Variants in RNF115 observed in about 807,000 individuals in gnomAD.
RNF115 encodes the protein ring finger protein 115, also known as E3 ubiquitin-protein ligase RNF115.
RNF115 carries 31 observed loss-of-function variants against 39.2 expected under a neutral mutation model. That is an observed-to-expected ratio of 0.79 (90% CI 0.59 to 1.07). The LOEUF is 1.07. Ranked by LOEUF, RNF115 falls within the 50% of genes least tolerant of loss-of-function variation. RNF115 has a pLI of 0.00. For synonymous variants in RNF115, 124 were observed against 131.0 expected (o/e 0.95, Z 0.37); for missense variants, 384 against 381.7 (o/e 1.01, Z -0.05).
chr1:145,776,762 G>C (rs1471546108), intron 3 of RNF115, among the ~76,000 whole-genome samples: 2 of 152,078 alleles, frequency 1.3e-5, no homozygotes, highest in African/African-American at 4.8e-5. Flanking sequence ...CTTGAACCCG[G>C]GAGGCAGAGG....
At chr1:145,762,505 TAAA>T (rs1347665361) in intron 4 of RNF115, among the ~76,000 whole-genome samples, 2 of 152,280 alleles carry the variant, frequency 1.3e-5, no homozygotes, top group African/African-American at 4.8e-5. Context: ...TCTATTAAGA[TAAA>T]AAAGATTATA....
intron 7 of RNF115, among the ~76,000 whole-genome samples, chr1:145,749,139 T>G (rs1553712132): frequency 6.6e-6 from 1 of 152,166 alleles, no homozygotes. Flanking sequence ...GCCTAGTGGC[T>G]GGGATATGCT....
At chr1:145,795,004 G>A (rs1006833222) in intron 1 of RNF115, among the ~76,000 whole-genome samples, 33 of 136,962 alleles carry the variant, frequency 2.4e-4, no homozygotes, top group African/African-American at 7.3e-4. Flanking sequence ...GTGACAGAGC[G>A]AGACTCCATT....
At chr1:145,773,956 C>G (rs587645722) in intron 3 of RNF115, 1 of 152,400 alleles carries the variant, frequency 6.6e-6, no homozygotes, top group Admixed American at 6.5e-5. Flanking sequence ...TTCAAGACTG[C>G]AGCCATACCA....
chr1:145,807,633 G>C (rs1309852671), intron 1 of RNF115, among the ~76,000 whole-genome samples: 1 of 152,076 alleles, frequency 6.6e-6, no homozygotes, highest in East Asian at 1.9e-4. Context: ...TATCAAGTCA[G>C]GGCATTTAGG....
intron 1 of RNF115, among the ~76,000 whole-genome samples, chr1:145,823,559 C>T (rs1215319804): frequency 9.9e-5 from 15 of 152,010 alleles, no homozygotes; most frequent in Non-Finnish European, 2.1e-4. Flanking sequence ...TCAGGTGGAG[C>T]AGCCCAGGAT....
chr1:145,785,180 C>A (rs1346348702), intron 2 of RNF115, among the ~76,000 whole-genome samples: 1 of 152,172 alleles, frequency 6.6e-6, no homozygotes, highest in Non-Finnish European at 1.5e-5. Flanking sequence ...CACCCTTCTG[C>A]ACTCTCACTT....
Position 145,743,711 on chromosome 1 carries a change from G to A in RNF115, c.*3155C>T, listed in dbSNP as rs1657758706. 6.6e-6 allele frequency: 1 copy of A among 151,730 alleles called. No individual in the cohort carries two copies. The highest frequency in any genetic ancestry group is 1.5e-5 in the Non-Finnish European group (1 of 67,998). The allele number at this position is 151,730 out of a possible 1,614,324, so 9.4% of individuals were successfully genotyped here. A position where few individuals can be genotyped will look rare whatever the true frequency, so the allele number is the denominator to read the frequency against. On this transcript the variant is annotated 3_prime_UTR_variant, in exon 9 of 9. Transcript: ENST00000582693. ...CAGAAGAATCGCTGGAACCCAGGAG[G>A]TGGAGGTTGCAGTGAGCTGAGATTG...
chr1:145,760,723 G>A (rs1204980820), intron 4 of RNF115, among the ~76,000 whole-genome samples: 3 of 152,106 alleles, frequency 2.0e-5, no homozygotes, highest in Non-Finnish European at 4.4e-5. Flanking sequence ...GCGTGAAAAT[G>A]GACTAATATA....
chr1:145,763,004 A>G (rs145144403), intron 4 of RNF115, among the ~76,000 whole-genome samples: 1 of 152,116 alleles, frequency 6.6e-6, no homozygotes, highest in South Asian at 2.1e-4. Context: ...GAGATCACAA[A>G]AGGGAGAGGG....
intron 4 of RNF115, among the ~76,000 whole-genome samples, 161 bp from the exon 5 acceptor site, chr1:145,753,210 T>C (rs1016700647): frequency 1.3e-5 from 2 of 152,158 alleles, no homozygotes; most frequent in African/African-American, 4.8e-5. Flanking sequence ...CACACAGCGG[T>C]GTGCTATTTT....
intron 4 of RNF115, among the ~76,000 whole-genome samples, chr1:145,753,384 G>A (rs587639332): frequency 6.6e-6 from 1 of 152,206 alleles, no homozygotes; most frequent in Admixed American, 6.5e-5. Flanking sequence ...CGAGCCAGTG[G>A]AACTCTGGAC....
intron 4 of RNF115, among the ~76,000 whole-genome samples, chr1:145,767,689 C>T (rs1028044592): frequency 5.9e-5 from 9 of 152,242 alleles, no homozygotes. Flanking sequence ...CACCATTGAG[C>T]ACTGAGTGAA....
At chr1:145,788,874 G>C (rs375444724) in intron 2 of RNF115, 34 bp downstream of exon 2, 2 of 1,469,624 alleles carry the variant, frequency 1.4e-6, no homozygotes, top group Non-Finnish European at 1.9e-6. Flanking sequence ...TTTGATAATA[G>C]AATGTCTGAT....
At chr1:145,806,344 T>A (rs1205577850) in intron 1 of RNF115, among the ~76,000 whole-genome samples, 2 of 151,694 alleles carry the variant, frequency 1.3e-5, no homozygotes, top group African/African-American at 4.8e-5. Flanking sequence ...GAAGACTCCA[T>A]CTCAAAAAAA....
chr1:145,789,762 T>G (rs1460222481), intron 1 of RNF115, among the ~76,000 whole-genome samples: 6 of 133,504 alleles, frequency 4.5e-5, no homozygotes, highest in African/African-American at 1.7e-4. Context: ...GGAGCTAGAG[T>G]GCAATGGTGT....
intron 3 of RNF115, among the ~76,000 whole-genome samples, chr1:145,776,792 C>T (rs151147429): frequency 4.6e-5 from 7 of 152,230 alleles, no homozygotes; most frequent in East Asian, 3.9e-4. Flanking sequence ...TCTAAGATCG[C>T]GCCATTGCAC....
At chr1:145,819,135 G>T (rs6672518) in intron 1 of RNF115, among the ~76,000 whole-genome samples, 60,552 of 144,338 alleles carry the variant, frequency 0.42, 10,177 homozygotes, top group Middle Eastern at 0.57. Context: ...TTCCAAAATT[G>T]AATCAGTAAT....
At chr1:145,789,060 G>C in intron 1 of RNF115, 94 bp from the exon 2 acceptor site, 1 of 772,532 alleles carries the variant, frequency 1.3e-6, no homozygotes, top group Non-Finnish European at 2.2e-6. Context: ...ACAAGCTGAG[G>C]CTCTGAAATG....
Sources: gnomAD v4.1 joint callset for allele counts (sites outside exome capture counted in the v4.1 genomes callset) on GRCh38, gnomAD v4.1.1 for gene constraint, MANE v1.5 for transcripts, NCBI Gene and HGNC (gene_info 2026-07-23, HGNC 2026-07-21) for gene names.